Variants in TLN2 observed in about 807,000 individuals in gnomAD.
TLN2 encodes the protein talin 2, also known as talin-2.
In TLN2, 118 loss-of-function variants were observed where a neutral mutation model predicts 294.7. That is an observed-to-expected ratio of 0.40 (90% confidence interval 0.34 to 0.47). The LOEUF is 0.47. Ranked by LOEUF, TLN2 falls within the 20% of genes least tolerant of loss-of-function variation. TLN2 has a pLI of 0.84. For synonymous variants in TLN2, 1,431 were observed against 1,304.5 expected, an observed-to-expected ratio of 1.10 and a Z score of -2.09; for missense variants, 3,083 against 3,282.2, an observed-to-expected ratio of 0.94 and a Z score of 1.48.
chr15:62,825,836 A>AATATATATTATAATATATAAT (rs2068107392), intron 54 of TLN2, among the ~76,000 whole-genome samples: 20 of 77,038 alleles, frequency 2.6e-4, no homozygotes, highest in South Asian at 7.5e-4. Context: ...TATAATATAT[A>AATATATATTATAATATATAAT]ATATATATAA....
At chr15:62,481,678 T>C (rs2038098206) in intron 1 of TLN2, among the ~76,000 whole-genome samples, 1 of 152,178 alleles carries the variant, frequency 6.6e-6, no homozygotes, top group African/African-American at 2.4e-5. Context: ...TGCTTTTTTT[T>C]TAAATGAAAA....
chr15:62,812,891 C>G (rs1013154474), intron 52 of TLN2, among the ~76,000 whole-genome samples: 1 of 152,222 alleles, frequency 6.6e-6, no homozygotes, highest in Non-Finnish European at 1.5e-5. Flanking sequence ...TAGGAACTTT[C>G]CCAGGCCACA....
intron 31 of TLN2, 73 bp downstream of exon 31, chr15:62,739,618 G>A: frequency 1.3e-6 from 2 of 1,543,080 alleles, no homozygotes; most frequent in East Asian, 2.3e-5. Flanking sequence ...CCTTGAGACT[G>A]ACTGAACAAA....
chr15:62,805,915 G>GGTA, intron 51 of TLN2, 130 bp downstream of exon 51: 1 of 1,021,486 alleles, frequency 9.8e-7, no homozygotes, highest in Admixed American at 3.0e-5. Context: ...CAGGGCCAGG[G>GGTA]GTAGTGGCTT....
At chr15:62,611,515 A>G (rs2047912946) in intron 2 of TLN2, among the ~76,000 whole-genome samples, 1 of 152,194 alleles carries the variant, frequency 6.6e-6, no homozygotes, top group Admixed American at 6.5e-5. Flanking sequence ...GTAACTGGTG[A>G]ACATTTGGGG....
intron 54 of TLN2, among the ~76,000 whole-genome samples, chr15:62,824,248 A>G (rs930153669): frequency 2.0e-5 from 3 of 152,194 alleles, no homozygotes; most frequent in African/African-American, 7.2e-5. Context: ...AGCCTGGGGT[A>G]TTCTGTGTGG....
At chr15:62,748,522 T>C in intron 33 of TLN2, 78 bp downstream of exon 33, 1 of 1,156,794 alleles carries the variant, frequency 8.6e-7, no homozygotes, top group South Asian at 1.2e-5. Context: ...TGTCTGTCTA[T>C]GTCTGTGTCT....
Position 62,763,472 on chromosome 15 carries a change from G to T in TLN2, c.4962-91G>T, listed in dbSNP as rs1167209440. 5.0e-5 allele frequency: 74 copies of T among 1,487,346 alleles called. No homozygotes were observed. The South Asian group carries it at 1.0e-3, about 20-fold the overall frequency. 92.1% of individuals were successfully genotyped at this position (1,487,346 alleles called of 1,614,324 possible). A position where few individuals can be genotyped will look rare whatever the true frequency, so the allele number is the denominator to read the frequency against. ...AGGAGGTGACTGTGTCAGGGAGGAA[G>T]TGGACAGGGATCCTGGCCCACCAGT... On this transcript the variant is annotated intron_variant, in intron 39 of 58. Transcript: ENST00000636159.
intron 15 of TLN2, among the ~76,000 whole-genome samples, 188 bp from the exon 16 acceptor site, chr15:62,698,566 C>G (rs2058514411): frequency 6.6e-6 from 1 of 152,190 alleles, no homozygotes. Flanking sequence ...ATTTTGTGTT[C>G]TATTAATATA....
In TLN2 at chr15:62,763,673, C is replaced by A. The variant is rs147117916; in HGVS notation, c.5072C>A (p.Thr1691Lys). 1 of 1,610,896 alleles carries A rather than the reference C, an allele frequency of 6.2e-7. No individual in the cohort carries two copies. The highest frequency in any genetic ancestry group is 1.3e-5 in the African/African-American group (1 of 75,002). ...GCCGCCGTCAGCCAGAGCCTGGCCA[C>A]GAGGGACGACATCTCTGTGGAGGTA... is the stretch of plus-strand genomic sequence containing the variant. ...SLAAVSQSLA[T>K]RDDISVEALQ... The change falls in exon 40 of 59, where the codon ACG becomes AAG. Residue 1691 changes from threonine to lysine, a missense_variant. Transcript: ENST00000636159.
intron 48 of TLN2, among the ~76,000 whole-genome samples, chr15:62,799,125 C>T (rs1051096932): frequency 1.3e-5 from 2 of 152,206 alleles, no homozygotes; most frequent in Non-Finnish European, 2.9e-5. Flanking sequence ...CCCAGAGCCA[C>T]GCACACAGGC....
rs1382540517 is a variant in TLN2, at chr15:62,762,378, C to T, written c.4886C>T (p.Pro1629Leu). ...ARSLAINPKD[P>L]PTWSVLAGHS... ...TCTCTGGCCATCAACCCCAAAGACC[C>T]ACCCACCTGGTCTGTACTGGCTGGA... The change falls in exon 39 of 59, where the codon CCA becomes CTA. Residue 1629 changes from proline (P) to leucine (L), a missense_variant. Pro to Leu is a moderately conservative substitution (Grantham distance 98, BLOSUM62 -3). Transcript: ENST00000636159. 4.9e-5 allele frequency: 79 copies of T among 1,614,092 alleles called. No homozygotes were observed. Among genetic ancestry groups the T allele is most frequent in the Non-Finnish European group, 6.6e-5 (78 of 1,180,050 alleles).
At chr15:62,495,773 T>C (rs1273019932) in intron 1 of TLN2, among the ~76,000 whole-genome samples, 3 of 152,186 alleles carry the variant, frequency 2.0e-5, no homozygotes, top group African/African-American at 7.2e-5. Context: ...AGGGCCACAT[T>C]CCACTTGATC....
At chr15:62,630,136 G>A (rs1457640032) in intron 3 of TLN2, among the ~76,000 whole-genome samples, 2 of 19,274 alleles carry the variant, frequency 1.0e-4, no homozygotes, top group Admixed American at 1.3e-3. Flanking sequence ...GTAACTATTG[G>A]AAAAACTGGA....
intron 1 of TLN2, among the ~76,000 whole-genome samples, chr15:62,398,529 GA>G (rs1165224972): frequency 2.0e-5 from 3 of 152,204 alleles, no homozygotes; most frequent in Non-Finnish European, 4.4e-5. Flanking sequence ...GAAGATGTGG[GA>G]AAGTTTGGAA....
intron 54 of TLN2, chr15:62,829,861 G>A (rs2068610245): frequency 6.6e-6 from 1 of 152,036 alleles, no homozygotes; most frequent in African/African-American, 2.4e-5. Context: ...TTTGATTTCT[G>A]GATCCCACAA....
At chr15:62,700,030 G>T (rs1295780533) in intron 16 of TLN2, among the ~76,000 whole-genome samples, 1 of 152,176 alleles carries the variant, frequency 6.6e-6, no homozygotes, top group Non-Finnish European at 1.5e-5. Context: ...CCAGAATGCT[G>T]AGTTTTTCAT....
chr15:62,686,185 A>G (rs953692220), intron 11 of TLN2, among the ~76,000 whole-genome samples: 1 of 152,236 alleles, frequency 6.6e-6, no homozygotes, highest in Admixed American at 6.5e-5. Context: ...TTTAAAAAAA[A>G]GGGCAGGAAG....
At chr15:62,642,500 A>G (rs1596463461) in intron 3 of TLN2, among the ~76,000 whole-genome samples, 1 of 152,194 alleles carries the variant, frequency 6.6e-6, no homozygotes, top group Non-Finnish European at 1.5e-5. Context: ...GCTGCCCTGA[A>G]AACATCACAG....
Sources: allele counts gnomAD v4.1 joint callset (sites outside exome capture counted in the v4.1 genomes callset), GRCh38; gene constraint gnomAD v4.1.1; transcripts MANE v1.5; gene names NCBI Gene and HGNC (gene_info 2026-07-23, HGNC 2026-07-21).